Variants in ZDHHC11 observed in about 807,000 individuals in gnomAD.
The protein encoded by ZDHHC11 is palmitoyltransferase ZDHHC11.
Under a neutral mutation model 51.3 loss-of-function variants are expected in ZDHHC11, and 44 were observed. That is an observed-to-expected ratio of 0.86 (90% CI 0.67 to 1.10). The LOEUF is 1.10. ZDHHC11 is among the 50% of genes least tolerant of loss of function. The pLI, the probability that ZDHHC11 is intolerant of heterozygous loss-of-function variation, is 0.00. For missense variants in ZDHHC11, 400 were observed against 537.7 expected, an observed-to-expected ratio of 0.74 and a Z score of 2.53; for synonymous variants, 163 against 222.0, an observed-to-expected ratio of 0.73 and a Z score of 2.36.
At chr5:809,045 T>C (rs1337772568) in intron 11 of ZDHHC11, among the ~76,000 whole-genome samples, 2 of 146,262 alleles carry the variant, frequency 1.4e-5, no homozygotes, top group African/African-American at 5.2e-5. Flanking sequence ...CTGTCTCCTA[T>C]ATGCAGTTTT....
At chr5:837,003 G>C (rs1041820139) in intron 6 of ZDHHC11, among the ~76,000 whole-genome samples, 4 of 151,628 alleles carry the variant, frequency 2.6e-5, no homozygotes, top group South Asian at 2.1e-4. Flanking sequence ...GCTACAATGA[G>C]CTGAGATTTC....
intron 8 of ZDHHC11, 77 bp downstream of exon 8, chr5:825,087 C>T: frequency 6.9e-7 from 1 of 1,445,540 alleles, no homozygotes; most frequent in Non-Finnish European, 9.7e-7. Context: ...GCCTTAACCT[C>T]AGCTTGGGGG....
In ZDHHC11 at chr5:805,430, C is replaced by CA. The variant is rs1296366970; in HGVS notation, c.1182-4267dup. Among the ~76,000 whole-genome samples, 22 of 148,900 alleles carry CA rather than the reference C, an allele frequency of 1.5e-4. 2 individuals are homozygous for CA. The highest frequency in any genetic ancestry group is 2.7e-4 in the African/African-American group (11 of 40,754). On this transcript the variant is annotated intron_variant, in intron 11 of 12. Transcript: ENST00000283441. The stretch of plus-strand genomic sequence containing the variant: ...CTGGGCAACAGACTGAGTCCTGTCT[C>CA]AAAAAAAAATCTACATTGGTATTCA...
At chr5:821,926 T>C in intron 8 of ZDHHC11, 31 bp from the exon 9 acceptor site, 1 of 1,584,074 alleles carries the variant, frequency 6.3e-7, no homozygotes, top group Non-Finnish European at 8.6e-7. Context: ...ATTCATAGAA[T>C]GAATTGACAT....
In ZDHHC11 at chr5:810,440, C is replaced by G. The variant is rs140122964; in HGVS notation, c.1181+4321G>C. Among the ~76,000 whole-genome samples, 653 of 151,368 alleles carry G rather than the reference C, an allele frequency of 4.3e-3. 6 individuals are homozygous for G. The highest frequency in any genetic ancestry group is 0.015 in the African/African-American group (631 of 41,104). On this transcript the variant is annotated intron_variant, in intron 11 of 12. Transcript: ENST00000283441. ...CCCCCATCGGTTTGTCTAATATCCA[C>G]CACTAGAGACACTATAAATTCCTAC...
At chr5:841,941 C>A in intron 4 of ZDHHC11, 1 of 989,808 alleles carries the variant, frequency 1.0e-6, no homozygotes. Context: ...ACACCACACT[C>A]AGCCTGACAG....
At chr5:835,780 G>C (rs1743746692) in intron 6 of ZDHHC11, among the ~76,000 whole-genome samples, 2 of 151,832 alleles carry the variant, frequency 1.3e-5, no homozygotes, top group South Asian at 4.2e-4. Context: ...TCTCAGTCAT[G>C]GTGTGTAGCT....
At chr5:808,989 A>ACG (rs2150305396) in intron 11 of ZDHHC11, among the ~76,000 whole-genome samples, 1 of 112,808 alleles carries the variant, frequency 8.9e-6, no homozygotes, top group African/African-American at 7.2e-5. Context: ...TCAGTTACAC[A>ACG]CACACACACA....
At chr5:817,918 G>A (rs776268843) in intron 10 of ZDHHC11, among the ~76,000 whole-genome samples, 28 of 151,484 alleles carry the variant, frequency 1.8e-4, no homozygotes, top group Non-Finnish European at 3.0e-4. Context: ...AAGGGGAGGC[G>A]ATGGACTGTA....
rs765215280 is a variant in ZDHHC11 at position 850,659 on chromosome 5, G to A, written c.-57C>T. 8.0e-5 allele frequency: 119 copies of A among 1,487,750 alleles called. No homozygotes were observed. Among genetic ancestry groups the A allele is most frequent in the African/African-American group, 1.3e-4 (3 of 23,018 alleles). 92.2% of individuals were successfully genotyped at this position (1,487,750 alleles called of 1,614,324 possible). A position where few individuals can be genotyped will look rare whatever the true frequency, so the allele number is the denominator to read the frequency against. On this transcript the variant is annotated 5_prime_UTR_variant, in exon 1 of 13. Transcript: ENST00000283441. The stretch of plus-strand genomic sequence containing the variant: ...GTCAGATCCTGGGAGGGCCGGCCCC[G>A]CCCACTGTCACAGAGACCAAGGGGA...
chr5:850,610 A>T lies in ZDHHC11; in HGVS notation c.-8T>A. The T allele has an allele frequency of 6.2e-7, 1 of 1,612,842 alleles. No homozygotes were observed. The highest frequency in any genetic ancestry group is 8.5e-7 in the Non-Finnish European group (1 of 1,179,740). ...CCCGGAGCGGGTGTCCATCTGCAGG[A>T]CACAGAAGGGGAGGACCTGCGCCGT... On this transcript the variant is annotated 5_prime_UTR_variant, in exon 1 of 13. Transcript: ENST00000283441.
intron 11 of ZDHHC11, among the ~76,000 whole-genome samples, chr5:807,987 G>A (rs1193146283): frequency 2.1e-4 from 32 of 151,018 alleles, no homozygotes; most frequent in Non-Finnish European, 3.2e-4. Context: ...GGCCACAGGC[G>A]GGGTCTGGGG....
upstream of ZDHHC11, among the ~76,000 whole-genome samples, chr5:854,395 G>A (rs367824413): frequency 4.5e-4 from 59 of 129,830 alleles, no homozygotes; most frequent in Middle Eastern, 7.7e-3. Context: ...CAGACCCCAC[G>A]GAGGACAGTG....
intron 11 of ZDHHC11, among the ~76,000 whole-genome samples, chr5:802,046 A>G (rs1220342138): frequency 1.3e-5 from 2 of 151,474 alleles, no homozygotes; most frequent in African/African-American, 4.9e-5. Context: ...GCAGAAGGCC[A>G]TGGTCAGGAG....
upstream of ZDHHC11, among the ~76,000 whole-genome samples, chr5:855,467 C>T (rs552723254): frequency 7.2e-4 from 103 of 143,630 alleles, no homozygotes; most frequent in African/African-American, 2.2e-3. Context: ...CCACAGAGGA[C>T]AGTGAGCAGC....
At chr5:849,383 C>A (rs1746794804) in intron 1 of ZDHHC11, among the ~76,000 whole-genome samples, 1 of 152,156 alleles carries the variant, frequency 6.6e-6, no homozygotes, top group Non-Finnish European at 1.5e-5. Flanking sequence ...ATAAACACAG[C>A]CGGATGCAGC....
chr5:833,883 G>A (rs753055537), intron 6 of ZDHHC11, 76 bp from the exon 7 acceptor site: 58 of 1,570,194 alleles, frequency 3.7e-5, no homozygotes, highest in Admixed American at 1.3e-4. Flanking sequence ...TAAAAGTGAC[G>A]TCTATTATTC....
In ZDHHC11 at chr5:850,873, G is replaced by T; in HGVS notation, c.-271C>A. On this transcript the variant is annotated 5_prime_UTR_variant, in exon 1 of 13. Transcript: ENST00000283441. ...GTGGCAACGGAAAACGGCTCTCCAG[G>T]GTGTGGAGGACCCAGTGCCCGCGCG... 2 of 515,504 alleles carry T rather than the reference G, an allele frequency of 3.9e-6. No individual in the cohort carries two copies. The highest frequency in any genetic ancestry group is 2.4e-5 in the South Asian group (1 of 41,772). The allele number at this position is 515,504 out of a possible 1,614,324, so 31.9% of individuals were successfully genotyped here.
chr5:801,300 C>A (rs1406118638), intron 11 of ZDHHC11, 136 bp from the exon 12 acceptor site: 14 of 1,079,376 alleles, frequency 1.3e-5, no homozygotes, highest in Non-Finnish European at 1.7e-5. Flanking sequence ...CACTTCACCT[C>A]TCTGAGTTTC....
Sources: allele counts gnomAD v4.1 joint callset (sites outside exome capture counted in the v4.1 genomes callset), GRCh38; gene constraint gnomAD v4.1.1; transcripts MANE v1.5; gene names NCBI Gene and HGNC (gene_info 2026-07-23, HGNC 2026-07-21).